STK39: variants seen among roughly 807,000 people sequenced by gnomAD.
STK39 encodes the protein STE20/SPS1-related proline-alanine-rich protein kinase.
A neutral mutation model predicts 77.8 loss-of-function variants in STK39; 20 were observed. The observed-to-expected ratio is 0.26, with a 90% CI of 0.18 to 0.37. The LOEUF (loss-of-function observed/expected upper bound fraction) is 0.37. Among genes scored for constraint, STK39 ranks in the 10% least tolerant of loss-of-function variants. The pLI, the probability that STK39 is intolerant of heterozygous loss-of-function variation, is 1.00. For synonymous variants in STK39, 246 were observed against 234.1 expected, an observed-to-expected ratio of 1.05 and a Z score of -0.47; for missense variants, 479 against 656.5, an observed-to-expected ratio of 0.73 and a Z score of 2.95.
intron 14 of STK39, among the ~76,000 whole-genome samples, chr2:168,037,968 A>G (rs1685001240): frequency 6.6e-6 from 1 of 152,128 alleles, no homozygotes; most frequent in Non-Finnish European, 1.5e-5. Flanking sequence ...CAAAAGACTT[A>G]AAAGAAAAGG....
chr2:168,236,434 G>C (rs1405069606), intron 1 of STK39, among the ~76,000 whole-genome samples: 1 of 152,168 alleles, frequency 6.6e-6, no homozygotes, highest in African/African-American at 2.4e-5. Context: ...TTCTTTTGCT[G>C]TGCAGAAGCT....
chr2:168,220,944 C>T (rs550833412), intron 1 of STK39, among the ~76,000 whole-genome samples: 33 of 152,058 alleles, frequency 2.2e-4, no homozygotes, highest in Non-Finnish European at 4.3e-4. Flanking sequence ...TCTTTGGCTT[C>T]GAATGCTGAT....
At chr2:168,070,790 T>C (rs1340705146) in intron 12 of STK39, among the ~76,000 whole-genome samples, 1 of 152,166 alleles carries the variant, frequency 6.6e-6, no homozygotes, top group Non-Finnish European at 1.5e-5. Context: ...CTTTTTTTAA[T>C]ACTTTGATAT....
chr2:168,052,740 TG>T (rs1486588459), intron 14 of STK39, among the ~76,000 whole-genome samples: 1 of 152,234 alleles, frequency 6.6e-6, no homozygotes, highest in Non-Finnish European at 1.5e-5. Context: ...CTCTAACTCC[TG>T]GGTGCTCACA....
intron 13 of STK39, among the ~76,000 whole-genome samples, chr2:168,064,522 T>G (rs936265485): frequency 1.3e-5 from 2 of 152,184 alleles, no homozygotes; most frequent in African/African-American, 2.4e-5. Flanking sequence ...GGCCCCGCAT[T>G]AGGTATCTGA....
chr2:168,115,701 A>G (rs917342701), intron 10 of STK39, among the ~76,000 whole-genome samples: 1 of 152,226 alleles, frequency 6.6e-6, no homozygotes, highest in African/African-American at 2.4e-5. Context: ...ATTGCAGGAC[A>G]ATAAATATGG....
chr2:168,087,799 C>T (rs1686407788), intron 10 of STK39, among the ~76,000 whole-genome samples: 1 of 152,080 alleles, frequency 6.6e-6, no homozygotes, highest in Admixed American at 6.6e-5. Flanking sequence ...AGCAATACCC[C>T]CCATAACAGA....
In STK39 at chr2:168,181,856, C is replaced by T. The variant is rs186717590; in HGVS notation, c.321+122G>A. 5.2e-4 allele frequency: 385 copies of T among 744,610 alleles called. 2 individuals are homozygous for T. The African/African-American group carries it at 5.7e-3, about 11-fold the overall frequency. 46.1% of individuals were successfully genotyped at this position (744,610 alleles called of 1,614,324 possible). ...TCTGGGGAGCAGGAAGTGGTAGGGG[C>T]TGCTTTCCAAGAAATGCATATGTCA... On this transcript the variant is annotated intron_variant, in intron 2 of 17. Transcript: ENST00000355999.
chr2:168,163,663 T>C, intron 4 of STK39, 76 bp downstream of exon 4: 2 of 1,608,006 alleles, frequency 1.2e-6, no homozygotes, highest in African/African-American at 1.3e-5. Context: ...ACCGTTTCTG[T>C]GTAGACAGTC....
intron 17 of STK39, among the ~76,000 whole-genome samples, chr2:167,960,509 T>C (rs1691922126): frequency 6.6e-6 from 1 of 152,096 alleles, no homozygotes; most frequent in Non-Finnish European, 1.5e-5. Context: ...AAGGCAGAGA[T>C]AACAGTTTGC....
intron 14 of STK39, among the ~76,000 whole-genome samples, chr2:168,047,357 C>CTAA (rs777920882): frequency 2.0e-5 from 3 of 152,154 alleles, no homozygotes; most frequent in Non-Finnish European, 4.4e-5. Flanking sequence ...CTTTAGAGGC[C>CTAA]TAATAATTCA....
At chr2:167,983,470 A>ATG (rs1683479886) in intron 16 of STK39, among the ~76,000 whole-genome samples, 1 of 118,192 alleles carries the variant, frequency 8.5e-6, no homozygotes, top group African/African-American at 3.1e-5. Context: ...AAAAAAAAAA[A>ATG]GAAATGAAAG....
chr2:168,208,706 G>A (rs1182431916), intron 1 of STK39, among the ~76,000 whole-genome samples: 2 of 152,192 alleles, frequency 1.3e-5, no homozygotes, highest in Non-Finnish European at 2.9e-5. Flanking sequence ...GAAATAGGCA[G>A]GACCACGTGA....
intron 1 of STK39, among the ~76,000 whole-genome samples, chr2:168,194,084 A>G (rs1689411339): frequency 6.6e-6 from 1 of 152,160 alleles, no homozygotes; most frequent in Non-Finnish European, 1.5e-5. Context: ...TCCAAAGAAT[A>G]ATAATTCAGA....
At chr2:167,970,819 T>C (rs59726340) in intron 16 of STK39, among the ~76,000 whole-genome samples, 6,091 of 152,252 alleles carry the variant, frequency 0.04, 275 homozygotes, top group East Asian at 0.21. Context: ...ATAAGGCAAA[T>C]GCTGAGCTGT....
chr2:168,089,239 G>A (rs1228612610), intron 10 of STK39, among the ~76,000 whole-genome samples: 2 of 152,210 alleles, frequency 1.3e-5, no homozygotes, highest in African/African-American at 2.4e-5. Context: ...GGAACATCAG[G>A]AGTGGAAAAG....
At chr2:168,043,471 C>T (rs773489701) in intron 14 of STK39, among the ~76,000 whole-genome samples, 26 of 152,164 alleles carry the variant, frequency 1.7e-4, no homozygotes, top group Non-Finnish European at 3.1e-4. Context: ...TGTAGTTAAA[C>T]GATATTTCCC....
intron 1 of STK39, among the ~76,000 whole-genome samples, chr2:168,239,211 A>T (rs1053660623): frequency 6.6e-6 from 1 of 152,174 alleles, no homozygotes; most frequent in African/African-American, 2.4e-5. Context: ...GCTCCACAGA[A>T]CTTCAAGGTG....
chr2:168,008,491 C>A (rs1684188734), intron 16 of STK39, among the ~76,000 whole-genome samples: 1 of 152,178 alleles, frequency 6.6e-6, no homozygotes, highest in South Asian at 2.1e-4. Context: ...GATTTTGAAG[C>A]TGTGGATTAA....
Sources: allele counts gnomAD v4.1 joint callset (sites outside exome capture counted in the v4.1 genomes callset), GRCh38; gene constraint gnomAD v4.1.1; transcripts MANE v1.5; gene names NCBI Gene and HGNC (gene_info 2026-07-23, HGNC 2026-07-21).